NSMCE2: variants seen among roughly 807,000 people sequenced by gnomAD.
The protein encoded by NSMCE2 is E3 SUMO-protein ligase NSE2.
In NSMCE2, 24 loss-of-function variants were observed where a neutral mutation model predicts 23.8. The observed-to-expected ratio is 1.01, with a 90% CI of 0.73 to 1.42. NSMCE2 has a LOEUF of 1.42. Ranked by LOEUF, NSMCE2 falls within the 40% of genes most tolerant of loss-of-function variation. The probability of loss-of-function intolerance (pLI) is 0.00; values close to 1 mark genes in which losing one functional copy is unlikely to be tolerated. For missense variants in NSMCE2, 284 were observed against 296.5 expected, an observed-to-expected ratio of 0.96 and a Z score of 0.31; for synonymous variants, 92 against 94.1, an observed-to-expected ratio of 0.98 and a Z score of 0.13.
Position 125,299,804 on chromosome 8 carries a change from CTTTTTTTTTTTTT to C in NSMCE2, c.419-57400_419-57388del, listed in dbSNP as rs58789139. Among the ~76,000 whole-genome samples the C allele has an allele frequency of 3.4e-3, 239 of 70,278 alleles. 1 individual carries two copies. Among genetic ancestry groups the C allele is most frequent in the Middle Eastern group, 0.027 (2 of 74 alleles). 46.1% of individuals were successfully genotyped at this position (70,278 alleles called of 152,430 possible). On this transcript the variant is annotated intron_variant, in intron 5 of 7. Coordinates refer to ENST00000287437, the MANE Select transcript of NSMCE2 (RefSeq NM_173685.4). ...ACCTTGACCTCATAATTTTGGCTTTCTTTTTTTTTTTTTTTTTTTTTTTTTTTGTCTTGAGACA... is the reference window on the plus strand; with the variant it reads ...ACCTTGACCTCATAATTTTGGCTTTCTTTTTTTTTTTTTTGTCTTGAGACA...
Position 125,155,404 on chromosome 8 carries a change from T to C in NSMCE2, c.264+4127T>C, listed in dbSNP as rs576404779. Among the ~76,000 whole-genome samples the C allele has an allele frequency of 2.6e-5, 4 of 152,324 alleles. No individual in the cohort carries two copies. The South Asian group carries it at 6.2e-4, about 24-fold the overall frequency. On this transcript the variant is annotated intron_variant, in intron 4 of 7. Coordinates refer to ENST00000287437, the MANE Select transcript of NSMCE2 (RefSeq NM_173685.4). Reference sequence around the variant, plus strand: ...GTGCCTTAATCAATCCAAAGACTTATTGTGAAAATTAGGCCAGAGAAGGCC... The same window carrying C: ...GTGCCTTAATCAATCCAAAGACTTACTGTGAAAATTAGGCCAGAGAAGGCC...
intron 3 of NSMCE2, among the ~76,000 whole-genome samples, chr8:125,134,150 C>T (rs561336915): frequency 1.3e-5 from 2 of 152,220 alleles, no homozygotes; most frequent in African/African-American, 4.8e-5. Flanking sequence ...TGGTTTCTTT[C>T]ATATTTGTTA....
chr8:125,359,594 A>T (rs1306905778), intron 7 of NSMCE2, among the ~76,000 whole-genome samples: 1 of 152,038 alleles, frequency 6.6e-6, no homozygotes, highest in Non-Finnish European at 1.5e-5. Context: ...CGGCCTCCCA[A>T]AGTGTTGGGA....
chr8:125,101,061 G>A (rs9987342), intron 1 of NSMCE2, among the ~76,000 whole-genome samples: 17,232 of 152,184 alleles, frequency 0.11, 1,180 homozygotes, highest in Middle Eastern at 0.29. Flanking sequence ...TTGTACTGTG[G>A]ATGTTTGAGG....
chr8:125,163,068 C>A (rs576337829), intron 4 of NSMCE2, among the ~76,000 whole-genome samples: 10 of 152,140 alleles, frequency 6.6e-5, no homozygotes, highest in African/African-American at 2.4e-4. Flanking sequence ...GAATGTTAAA[C>A]AGTTTATACT....
chr8:125,250,326 T>C (rs1291876984), intron 5 of NSMCE2, among the ~76,000 whole-genome samples: 1 of 138,322 alleles, frequency 7.2e-6, no homozygotes, highest in African/African-American at 3.1e-5. Context: ...TATAATGTTT[T>C]TCTTTTTAAA....
intron 7 of NSMCE2, among the ~76,000 whole-genome samples, chr8:125,359,720 T>C (rs561853296): frequency 1.3e-5 from 2 of 152,350 alleles, no homozygotes; most frequent in East Asian, 3.9e-4. Flanking sequence ...TTAAATAAGA[T>C]ACATGCAAAG....
chr8:125,183,684 T>C (rs2130807330), intron 5 of NSMCE2, among the ~76,000 whole-genome samples: 1 of 151,718 alleles, frequency 6.6e-6, no homozygotes, highest in South Asian at 2.1e-4. Context: ...CACATGGACC[T>C]GTGATTACCA....
intron 5 of NSMCE2, among the ~76,000 whole-genome samples, chr8:125,246,879 A>G (rs1825987871): frequency 6.6e-6 from 1 of 152,154 alleles, no homozygotes; most frequent in African/African-American, 2.4e-5. Context: ...CCGCATAATT[A>G]CCATTTTCTT....
At chr8:125,229,064 G>T (rs1200285600) in intron 5 of NSMCE2, among the ~76,000 whole-genome samples, 2 of 152,136 alleles carry the variant, frequency 1.3e-5, no homozygotes, top group East Asian at 1.9e-4. Flanking sequence ...TTTTTATTCA[G>T]TGCTAGCATA....
At chr8:125,155,395 A>G (rs1323058842) in intron 4 of NSMCE2, among the ~76,000 whole-genome samples, 1 of 152,192 alleles carries the variant, frequency 6.6e-6, no homozygotes, top group Non-Finnish European at 1.5e-5. Flanking sequence ...TAATCAATCC[A>G]AAGACTTATT....
intron 5 of NSMCE2, among the ~76,000 whole-genome samples, chr8:125,316,295 A>G (rs1829175543): frequency 6.6e-6 from 1 of 152,248 alleles, no homozygotes; most frequent in African/African-American, 2.4e-5. Context: ...TAAACTTAGT[A>G]TTGTGAGAAG....
chr8:125,125,398 A>G (rs185233007), intron 3 of NSMCE2, among the ~76,000 whole-genome samples: 29 of 152,324 alleles, frequency 1.9e-4, no homozygotes, highest in East Asian at 7.7e-4. Context: ...ACTTCCATCT[A>G]TTATCACAGA....
chr8:125,127,126 G>A (rs1819554402), intron 3 of NSMCE2: 1 of 152,128 alleles, frequency 6.6e-6, no homozygotes. Context: ...TGAAAAATAT[G>A]GACATTATCT....
intron 5 of NSMCE2, among the ~76,000 whole-genome samples, chr8:125,341,183 G>A (rs185641936): frequency 3.3e-4 from 50 of 152,208 alleles, no homozygotes; most frequent in Admixed American, 8.5e-4. Flanking sequence ...GCGATGCTGC[G>A]GGAGGGGCAC....
chr8:125,216,145 T>C (rs941503208), intron 5 of NSMCE2, among the ~76,000 whole-genome samples: 5 of 152,362 alleles, frequency 3.3e-5, no homozygotes, highest in African/African-American at 7.2e-5. Context: ...TTGTAGCATG[T>C]ATTACTATTT....
chr8:125,244,090 G>T (rs535616407), intron 5 of NSMCE2, among the ~76,000 whole-genome samples: 2 of 152,154 alleles, frequency 1.3e-5, no homozygotes, highest in African/African-American at 4.8e-5. Context: ...AGAGTGGTGT[G>T]CCATAAAGCT....
chr8:125,140,727 T>G (rs949140362), intron 3 of NSMCE2, among the ~76,000 whole-genome samples: 10 of 152,288 alleles, frequency 6.6e-5, no homozygotes, highest in African/African-American at 2.2e-4. Flanking sequence ...GCTTTGGTAT[T>G]TGGTCAAAGC....
intron 3 of NSMCE2, among the ~76,000 whole-genome samples, chr8:125,135,028 C>T (rs183674728): frequency 6.6e-6 from 1 of 152,148 alleles, no homozygotes; most frequent in Non-Finnish European, 1.5e-5. Context: ...CCACCTCAGC[C>T]TCCTGAGTAG....
Sources: allele counts gnomAD v4.1 joint callset (sites outside exome capture counted in the v4.1 genomes callset), GRCh38; gene constraint gnomAD v4.1.1; transcripts MANE v1.5; gene names NCBI Gene and HGNC (gene_info 2026-07-23, HGNC 2026-07-21).